The following ASXL2 variants were observed in gnomAD, a reference collection of about 807,000 sequenced individuals.
The protein encoded by ASXL2 is ASXL transcriptional regulator 2.
In ASXL2, 23 loss-of-function variants were observed where a neutral mutation model predicts 122.0. That is an observed-to-expected ratio of 0.19 (90% CI 0.14 to 0.27). The LOEUF (loss-of-function observed/expected upper bound fraction) is 0.27. Among genes scored for constraint, ASXL2 ranks in the 10% least tolerant of loss-of-function variants. The probability of loss-of-function intolerance (pLI) is 1.00; values close to 1 mark genes in which losing one functional copy is unlikely to be tolerated. For synonymous variants in ASXL2, 650 were observed against 637.0 expected, an observed-to-expected ratio of 1.02 and a Z score of -0.31; for missense variants, 1,518 against 1,713.8, an observed-to-expected ratio of 0.89 and a Z score of 2.02.
At chr2:25,842,849 T>C (rs552892770) in intron 2 of ASXL2, among the ~76,000 whole-genome samples, 4 of 151,458 alleles carry the variant, frequency 2.6e-5, no homozygotes, top group African/African-American at 9.7e-5. Context: ...TGAGACAGAG[T>C]CTCGCTCTGT....
chr2:25,873,360 G>A (rs1039727396), intron 1 of ASXL2, among the ~76,000 whole-genome samples: 3 of 152,048 alleles, frequency 2.0e-5, no homozygotes, highest in Admixed American at 6.6e-5. Context: ...GCAGTGAGCC[G>A]AGATTGCACC....
intron 3 of ASXL2, among the ~76,000 whole-genome samples, chr2:25,831,230 G>GAGGCA (rs2089447466): frequency 6.6e-6 from 1 of 151,130 alleles, no homozygotes; most frequent in South Asian, 2.1e-4. Context: ...TGGATCCTGG[G>GAGGCA]AGGCAGAGGT....
chr2:25,800,698 G>C (rs142892023), intron 4 of ASXL2, among the ~76,000 whole-genome samples: 51 of 152,174 alleles, frequency 3.4e-4, no homozygotes, highest in African/African-American at 1.1e-3. Flanking sequence ...TCCTAATTGT[G>C]CAGTTAAAAT....
At chr2:25,822,216 T>A (rs1187953551) in intron 3 of ASXL2, among the ~76,000 whole-genome samples, 1 of 152,170 alleles carries the variant, frequency 6.6e-6, no homozygotes, top group Non-Finnish European at 1.5e-5. Flanking sequence ...TACATAAAAA[T>A]TTAACAGTAA....
At chr2:25,805,733 T>G (rs976424144) in intron 4 of ASXL2, among the ~76,000 whole-genome samples, 2 of 152,164 alleles carry the variant, frequency 1.3e-5, no homozygotes, top group African/African-American at 4.8e-5. Context: ...TGGAGTGCGG[T>G]GGCGTGATTT....
chr2:25,765,201 T>C (rs2088322888), intron 8 of ASXL2, among the ~76,000 whole-genome samples: 1 of 152,204 alleles, frequency 6.6e-6, no homozygotes, highest in Non-Finnish European at 1.5e-5. Context: ...ATAGTCATTG[T>C]GTGGCTGGGG....
At chr2:25,814,364 C>T (rs183349616) in intron 3 of ASXL2, among the ~76,000 whole-genome samples, 4 of 152,226 alleles carry the variant, frequency 2.6e-5, no homozygotes, top group East Asian at 3.9e-4. Context: ...TAAAAGTGAA[C>T]GACTTGAAGA....
intron 5 of ASXL2, among the ~76,000 whole-genome samples, chr2:25,796,841 A>C (rs529236113): frequency 6.6e-6 from 1 of 152,342 alleles, no homozygotes; most frequent in South Asian, 2.1e-4. Context: ...TGGCTATTTA[A>C]AGTTAAAATA....
intron 1 of ASXL2, among the ~76,000 whole-genome samples, chr2:25,848,491 C>T (rs528599233): frequency 2.0e-5 from 3 of 152,126 alleles, no homozygotes; most frequent in South Asian, 2.1e-4. Context: ...GGCGTGGTGG[C>T]GGACGCCTGT....
chr2:25,763,211 C>T (rs200145970), intron 8 of ASXL2, among the ~76,000 whole-genome samples: 8 of 151,858 alleles, frequency 5.3e-5, no homozygotes, highest in African/African-American at 1.9e-4. Flanking sequence ...TCAGGCTGGG[C>T]GCAGTGGCTC....
intron 1 of ASXL2, among the ~76,000 whole-genome samples, chr2:25,850,500 G>C (rs2089702252): frequency 6.6e-6 from 1 of 152,106 alleles, no homozygotes; most frequent in South Asian, 2.1e-4. Flanking sequence ...GAAATCTAGA[G>C]GCTTGCTCAG....
intron 3 of ASXL2, among the ~76,000 whole-genome samples, chr2:25,820,188 T>C (rs1288458510): frequency 6.6e-5 from 10 of 152,180 alleles, no homozygotes; most frequent in Non-Finnish European, 1.5e-5. Flanking sequence ...GTGCTGAGAT[T>C]ATAGGTGTGA....
At chr2:25,809,296 G>GAA (rs71399325) in intron 3 of ASXL2, among the ~76,000 whole-genome samples, 37,642 of 143,784 alleles carry the variant, frequency 0.26, 4,941 homozygotes, top group African/African-American at 0.31. Context: ...CACTTCTAAT[G>GAA]AAAAAAAAAA....
At chr2:25,754,237 G>A (rs1220215533) in intron 10 of ASXL2, among the ~76,000 whole-genome samples, 1 of 152,170 alleles carries the variant, frequency 6.6e-6, no homozygotes. Flanking sequence ...CAGCTGCTCT[G>A]AATATGCCAT....
intron 2 of ASXL2, among the ~76,000 whole-genome samples, chr2:25,837,660 C>T (rs1039514321): frequency 1.3e-5 from 2 of 151,570 alleles, no homozygotes; most frequent in Non-Finnish European, 2.9e-5. Context: ...GAGACCAGCC[C>T]GTGCAACACA....
At chr2:25,870,062 T>C (rs1004085925) in intron 1 of ASXL2, among the ~76,000 whole-genome samples, 2 of 152,034 alleles carry the variant, frequency 1.3e-5, no homozygotes, top group South Asian at 2.1e-4. Context: ...ATAGTCTTTA[T>C]GATGAAAGAA....
At chr2:25,769,848 G>T (rs1274952098) in intron 6 of ASXL2, among the ~76,000 whole-genome samples, 2 of 152,082 alleles carry the variant, frequency 1.3e-5, no homozygotes, top group Non-Finnish European at 1.5e-5. Flanking sequence ...CATTTCACAC[G>T]TATCTCTGGC....
intron 1 of ASXL2, among the ~76,000 whole-genome samples, chr2:25,852,682 G>C (rs920067258): frequency 1.3e-5 from 2 of 152,090 alleles, no homozygotes; most frequent in African/African-American, 4.8e-5. Flanking sequence ...AGCCAGAGAA[G>C]AAAAACTAGG....
At chr2:25,809,791 A>G in intron 3 of ASXL2, 1 of 411,772 alleles carries the variant, frequency 2.4e-6, no homozygotes, top group Admixed American at 3.0e-5. Flanking sequence ...GTTTAGCGAA[A>G]AAGACACAGG....
Sources: allele counts gnomAD v4.1 joint callset (sites outside exome capture counted in the v4.1 genomes callset), GRCh38; gene constraint gnomAD v4.1.1; transcripts MANE v1.5; gene names NCBI Gene and HGNC (gene_info 2026-07-23, HGNC 2026-07-21).